ERI3: variants seen among roughly 807,000 people sequenced by gnomAD.
The protein encoded by ERI3 is ERI1 exoribonuclease family member 3.
ERI3 carries 18 observed loss-of-function variants against 44.4 expected under a neutral mutation model. That is an observed-to-expected ratio of 0.41 (90% CI 0.28 to 0.60). The LOEUF (loss-of-function observed/expected upper bound fraction) is 0.60. Among genes scored for constraint, ERI3 ranks in the 20% least tolerant of loss-of-function variants. ERI3 has a pLI of 0.36. For missense variants in ERI3, 294 were observed against 435.5 expected (o/e 0.68, Z 2.89); for synonymous variants, 183 against 164.8 (o/e 1.11, Z -0.84).
intron 3 of ERI3, 57 bp downstream of exon 3, chr1:44,338,988 A>G (rs1646591262): frequency 1.9e-6 from 3 of 1,578,878 alleles, no homozygotes; most frequent in Non-Finnish European, 2.6e-6. Flanking sequence ...AAGCAAAACT[A>G]TCCTCCCTCC....
At chr1:44,248,927 T>A (rs1035018233) in intron 7 of ERI3, among the ~76,000 whole-genome samples, 2 of 150,256 alleles carry the variant, frequency 1.3e-5, no homozygotes, top group African/African-American at 2.5e-5. Context: ...AACCTCCACC[T>A]GGGGGGGGGA....
Position 44,276,609 on chromosome 1 carries a change from C to T in ERI3, c.831+8226G>A, listed in dbSNP as rs147696902. Among the ~76,000 whole-genome samples, 443 of 152,304 alleles carry T rather than the reference C, an allele frequency of 2.9e-3. 2 individuals carry two copies. Among genetic ancestry groups the T allele is most frequent in the African/African-American group, 0.01 (432 of 41,558 alleles). ...TCCCTGAAATCACTAATTCAGACAC[C>T]TATTCTCTAACCATAATCTCTAATC... On this transcript the variant is annotated intron_variant, in intron 7 of 8. Coordinates refer to ENST00000372257, the MANE Select transcript of ERI3 (RefSeq NM_024066.3).
chr1:44,237,064 G>A (rs548668036), intron 8 of ERI3, among the ~76,000 whole-genome samples: 2 of 152,280 alleles, frequency 1.3e-5, no homozygotes, highest in Non-Finnish European at 2.9e-5. Context: ...GGACTCAGGG[G>A]AGCGCCTGGC....
chr1:44,341,631 A>C (rs1213229212), intron 2 of ERI3, among the ~76,000 whole-genome samples: 1 of 152,210 alleles, frequency 6.6e-6, no homozygotes, highest in Admixed American at 6.5e-5. Flanking sequence ...CTGCACCTGT[A>C]ATCCCAGCAC....
chr1:44,279,388 C>T (rs959496435), intron 7 of ERI3, among the ~76,000 whole-genome samples: 6 of 152,092 alleles, frequency 3.9e-5, no homozygotes, highest in African/African-American at 1.2e-4. Context: ...CCAAGTCTGG[C>T]TAATTTTTAC....
At chr1:44,249,077 T>C (rs911522504) in intron 7 of ERI3, among the ~76,000 whole-genome samples, 7 of 152,094 alleles carry the variant, frequency 4.6e-5, no homozygotes, top group Admixed American at 6.5e-5. Flanking sequence ...CCAAATAGGA[T>C]TGAATTCCTG....
chr1:44,302,577 T>G (rs11808967), intron 6 of ERI3, among the ~76,000 whole-genome samples: 38,459 of 152,156 alleles, frequency 0.25, 4,945 homozygotes, highest in Non-Finnish European at 0.26. Context: ...CTTGTAACCC[T>G]GGAAGGAGGC....
chr1:44,261,836 A>G (rs1055731339), intron 7 of ERI3, among the ~76,000 whole-genome samples: 3 of 152,224 alleles, frequency 2.0e-5, no homozygotes, highest in African/African-American at 7.2e-5. Flanking sequence ...GGCCCTTGGC[A>G]GAAGGGCTGG....
chr1:44,256,045 A>G (rs1644772836), intron 7 of ERI3, among the ~76,000 whole-genome samples: 1 of 151,950 alleles, frequency 6.6e-6, no homozygotes, highest in Non-Finnish European at 1.5e-5. Context: ...TTTGTCTCCC[A>G]TTATGCTGAG....
chr1:44,259,320 C>T (rs1644839946), intron 7 of ERI3, among the ~76,000 whole-genome samples: 1 of 151,588 alleles, frequency 6.6e-6, no homozygotes, highest in South Asian at 2.1e-4. Context: ...GGGGGAAGGG[C>T]AGAGGTGGGG....
intron 7 of ERI3, 147 bp downstream of exon 7, chr1:44,284,688 T>C (rs148277400): frequency 1.2e-5 from 8 of 645,604 alleles, no homozygotes; most frequent in African/African-American, 3.7e-5. Context: ...TCAGTGCATA[T>C]TAGCTAAGGA....
At position 44,319,793 on chromosome 1, in the gene ERI3, C is replaced by T. The variant is rs748960687; in HGVS notation, c.490-49G>A. 5.2e-6 allele frequency: 7 copies of T among 1,337,008 alleles called. No homozygotes were observed. In the Admixed American group the frequency reaches 6.8e-5, roughly 13 times the overall value. The allele number at this position is 1,337,008 out of a possible 1,614,324, so 82.8% of individuals were successfully genotyped here. On this transcript the variant is annotated intron_variant, in intron 3 of 8. Transcript: ENST00000372257. Reference sequence around the variant, plus strand: ...AGGAAAAATAAGTTATTGTAATCAACCATTTCCAACAGTAGCTCCAAGTCA... The same window carrying T: ...AGGAAAAATAAGTTATTGTAATCAATCATTTCCAACAGTAGCTCCAAGTCA...
intron 7 of ERI3, among the ~76,000 whole-genome samples, chr1:44,260,422 GC>G (rs1451182051): frequency 6.6e-6 from 1 of 152,208 alleles, no homozygotes; most frequent in East Asian, 1.9e-4. Flanking sequence ...GGACCCTAAA[GC>G]CAAGCCTCCT....
chr1:44,333,868 G>A (rs939781743), intron 3 of ERI3, among the ~76,000 whole-genome samples: 1 of 152,130 alleles, frequency 6.6e-6, no homozygotes, highest in African/African-American at 2.4e-5. Context: ...CTGGAAACGA[G>A]AAACTCCTTT....
intron 1 of ERI3, chr1:44,353,348 A>G: frequency 1.0e-6 from 1 of 985,426 alleles, no homozygotes; most frequent in Non-Finnish European, 1.2e-6. Context: ...GGCCACATAG[A>G]CTAGGAAACA....
intron 6 of ERI3, among the ~76,000 whole-genome samples, chr1:44,305,105 A>T (rs1323686318): frequency 1.3e-5 from 2 of 151,864 alleles, no homozygotes; most frequent in Non-Finnish European, 2.9e-5. Context: ...CCCTCAGGTC[A>T]GCTCTTTCCC....
intron 6 of ERI3, among the ~76,000 whole-genome samples, chr1:44,296,177 A>G (rs1187885305): frequency 6.6e-6 from 1 of 152,184 alleles, no homozygotes; most frequent in Non-Finnish European, 1.5e-5. Flanking sequence ...GAGGACAGCC[A>G]TTAGTGTGTG....
chr1:44,274,536 G>A lies in ERI3; in HGVS notation c.831+10299C>T, dbSNP rs376068490. On this transcript the variant is annotated intron_variant, in intron 7 of 8. Coordinates refer to ENST00000372257, the MANE Select transcript of ERI3 (RefSeq NM_024066.3). ...GCTAGGCACTACACCATGGGGGCAG[G>A]GAGATGGGAAGAAAGGAGACATTCC... Among the ~76,000 whole-genome samples, 75 of 152,300 alleles carry A rather than the reference G, an allele frequency of 4.9e-4. 1 individual carries two copies. Among genetic ancestry groups the A allele is most frequent in the African/African-American group, 1.8e-3 (73 of 41,556 alleles).
chr1:44,225,010 C>T (rs560977509), intron 8 of ERI3, among the ~76,000 whole-genome samples: 7 of 152,160 alleles, frequency 4.6e-5, no homozygotes, highest in Non-Finnish European at 8.8e-5. Context: ...GCACTAGAGA[C>T]AGATCTGGGG....
Sources: allele counts gnomAD v4.1 joint callset (sites outside exome capture counted in the v4.1 genomes callset), GRCh38; gene constraint gnomAD v4.1.1; transcripts MANE v1.5; gene names NCBI Gene and HGNC (gene_info 2026-07-23, HGNC 2026-07-21).